EFCAB13: variants seen among roughly 807,000 people sequenced by gnomAD.
EFCAB13 encodes the protein EF-hand calcium-binding domain-containing protein 13.
Under a neutral mutation model 110.2 loss-of-function variants are expected in EFCAB13, and 91 were observed. That is an observed-to-expected ratio of 0.83 (90% CI 0.70 to 0.98). The LOEUF is 0.98. Among genes scored for constraint, EFCAB13 ranks in the 50% least tolerant of loss-of-function variants. The pLI is 0.00. For synonymous variants in EFCAB13, 323 were observed against 369.9 expected, an observed-to-expected ratio of 0.87 and a Z score of 1.45; for missense variants, 968 against 1,119.4, an observed-to-expected ratio of 0.86 and a Z score of 1.93.
At chr17:47,333,398 A>C (rs55916275) in intron 4 of EFCAB13, among the ~76,000 whole-genome samples, 13,366 of 151,964 alleles carry the variant, frequency 0.088, 851 homozygotes, top group East Asian at 0.35. Context: ...GTTGTTTCTC[A>C]CCTGTTGATT....
chr17:47,366,978 C>G (rs1157742573), intron 10 of EFCAB13, among the ~76,000 whole-genome samples: 1 of 152,186 alleles, frequency 6.6e-6, no homozygotes, highest in African/African-American at 2.4e-5. Context: ...TAACAGAATA[C>G]TTTTCAGTGA....
chr17:47,328,027 GT>G lies in EFCAB13; in HGVS notation c.-85-241del, dbSNP rs1416216578. Reference sequence around the variant, plus strand: ...AGATGTAATTGGATTTCTCAGCTTTGTATGCCATTTGAAACTGGATTTCTCA... The same window carrying G: ...AGATGTAATTGGATTTCTCAGCTTTGATGCCATTTGAAACTGGATTTCTCA... On this transcript the variant is annotated intron_variant, in intron 3 of 24. Coordinates refer to ENST00000331493, the MANE Select transcript of EFCAB13 (RefSeq NM_152347.5). The G allele has an allele frequency of 2.2e-5, 10 of 464,064 alleles. No homozygotes were observed. In the East Asian group the frequency reaches 3.1e-4, roughly 14 times the overall value. 28.7% of individuals were successfully genotyped at this position (464,064 alleles called of 1,614,324 possible).
At chr17:47,436,331 T>C (rs1905213287) in intron 24 of EFCAB13, among the ~76,000 whole-genome samples, 1 of 152,162 alleles carries the variant, frequency 6.6e-6, no homozygotes, top group Admixed American at 6.6e-5. Context: ...TCTTGTGGAA[T>C]AGCGTCAAAA....
At chr17:47,331,268 G>C (rs2065318240) in intron 4 of EFCAB13, among the ~76,000 whole-genome samples, 1 of 151,914 alleles carries the variant, frequency 6.6e-6, no homozygotes, top group Admixed American at 6.6e-5. Flanking sequence ...AAGAGCTTCT[G>C]AATTTAATTA....
At chr17:47,383,598 GTT>G (rs1482995124) in intron 14 of EFCAB13, among the ~76,000 whole-genome samples, 2 of 152,208 alleles carry the variant, frequency 1.3e-5, no homozygotes, top group Non-Finnish European at 2.9e-5. Flanking sequence ...TTTTGAGTGA[GTT>G]TCTTAATCCT....
intron 24 of EFCAB13, among the ~76,000 whole-genome samples, chr17:47,435,519 A>T (rs1361502941): frequency 2.0e-5 from 3 of 151,896 alleles, no homozygotes; most frequent in Non-Finnish European, 4.4e-5. Flanking sequence ...TATTCCTAAG[A>T]TTTTTTTGTT....
intron 9 of EFCAB13, among the ~76,000 whole-genome samples, chr17:47,355,214 T>G: frequency 6.6e-6 from 1 of 152,198 alleles, no homozygotes; most frequent in East Asian, 1.9e-4. Flanking sequence ...ACCCAATCCT[T>G]TCTAGCTTGT....
intron 13 of EFCAB13, 48 bp downstream of exon 13, chr17:47,377,951 A>T (rs753124032): frequency 1.3e-6 from 2 of 1,496,646 alleles, no homozygotes. Context: ...AGATATTTTT[A>T]TCGGATAGTA....
At chr17:47,386,410 C>A (rs1346804138) in intron 14 of EFCAB13, among the ~76,000 whole-genome samples, 1 of 152,162 alleles carries the variant, frequency 6.6e-6, no homozygotes, top group Non-Finnish European at 1.5e-5. Flanking sequence ...TGAGCTCCAC[C>A]CAGTCCGAAC....
chr17:47,399,959 G>A (rs558912138), intron 17 of EFCAB13, among the ~76,000 whole-genome samples: 5 of 152,304 alleles, frequency 3.3e-5, no homozygotes, highest in African/African-American at 1.2e-4. Flanking sequence ...TGGTCAAGGT[G>A]AATGTGAGAC....
chr17:47,353,986 C>T (rs111932651), intron 9 of EFCAB13, among the ~76,000 whole-genome samples: 11 of 152,088 alleles, frequency 7.2e-5, no homozygotes, highest in African/African-American at 2.7e-4. Flanking sequence ...AATTTGTGCT[C>T]TTTCAGACTT....
intron 14 of EFCAB13, among the ~76,000 whole-genome samples, chr17:47,380,935 T>G (rs1366252647): frequency 6.8e-6 from 1 of 147,204 alleles, no homozygotes; most frequent in Non-Finnish European, 1.5e-5. Context: ...TAGGCTGGAG[T>G]GCAGTGGCAC....
chr17:47,379,315 G>A, intron 14 of EFCAB13, 62 bp downstream of exon 14: 3 of 1,317,194 alleles, frequency 2.3e-6, no homozygotes, highest in Non-Finnish European at 2.2e-6. Flanking sequence ...AGAAGAATTA[G>A]GTTCAACAGA....
At chr17:47,393,638 C>A (rs955600152) in intron 15 of EFCAB13, among the ~76,000 whole-genome samples, 3 of 151,676 alleles carry the variant, frequency 2.0e-5, no homozygotes, top group Admixed American at 2.0e-4. Flanking sequence ...ATCGCTTGAA[C>A]CTGGGAGGTG....
At chr17:47,437,756 A>G (rs186585909) in intron 24 of EFCAB13, among the ~76,000 whole-genome samples, 47 of 152,308 alleles carry the variant, frequency 3.1e-4, no homozygotes, top group Admixed American at 2.2e-3. Context: ...GGCCTTTGAC[A>G]TTCAGTGTTA....
rs373175261 is a variant in EFCAB13 at position 47,437,109 on chromosome 17, T to C, written c.2639-3322T>C. On this transcript the variant is annotated intron_variant, in intron 24 of 24. Coordinates refer to ENST00000331493, the MANE Select transcript of EFCAB13 (RefSeq NM_152347.5). ...GGAGTTGATTTCCAGTTTTATTCCA[T>C]TGTGGCCAGAGAGAGTGCTTGATAT... is the stretch of plus-strand genomic sequence containing the variant. Among the ~76,000 whole-genome samples, 15 of 152,260 alleles carry C rather than the reference T, an allele frequency of 9.9e-5. No individual in the cohort carries two copies. The East Asian group carries it at 2.9e-3, about 29-fold the overall frequency.
intron 24 of EFCAB13, among the ~76,000 whole-genome samples, chr17:47,436,596 T>G (rs1905219291): frequency 6.6e-6 from 1 of 152,166 alleles, no homozygotes; most frequent in South Asian, 2.1e-4. Flanking sequence ...CTTTTGTATT[T>G]CAGTGATGTC....
chr17:47,429,546 A>AG (rs112252397), intron 23 of EFCAB13, among the ~76,000 whole-genome samples: 8,903 of 152,264 alleles, frequency 0.058, 294 homozygotes, highest in East Asian at 0.11. Flanking sequence ...TCTGAAAAAC[A>AG]GGGATGAAAA....
At chr17:47,333,868 G>GTGTGA (rs940912155) in intron 4 of EFCAB13, among the ~76,000 whole-genome samples, 3 of 152,156 alleles carry the variant, frequency 2.0e-5, no homozygotes, top group African/African-American at 7.2e-5. Flanking sequence ...AAATTAGGAA[G>GTGTGA]TGTGATGCCT....
Sources: allele counts gnomAD v4.1 joint callset (sites outside exome capture counted in the v4.1 genomes callset), GRCh38; gene constraint gnomAD v4.1.1; transcripts MANE v1.5; gene names NCBI Gene and HGNC (gene_info 2026-07-23, HGNC 2026-07-21).